The following DCLK1 variants were observed in gnomAD, a reference collection of about 807,000 sequenced individuals.
The protein encoded by DCLK1 is serine/threonine-protein kinase DCLK1.
A neutral mutation model predicts 86.2 loss-of-function variants in DCLK1; 16 were observed. The observed-to-expected ratio is 0.19, with a 90% confidence interval of 0.13 to 0.28. The LOEUF (loss-of-function observed/expected upper bound fraction) is 0.28, where lower values mean the gene tolerates loss of function less well. Ranked by LOEUF, DCLK1 falls within the 10% of genes least tolerant of loss-of-function variation. DCLK1 has a pLI of 1.00. For synonymous variants in DCLK1, 369 were observed against 370.5 expected, an observed-to-expected ratio of 1.00 and a Z score of 0.05; for missense variants, 590 against 940.2, an observed-to-expected ratio of 0.63 and a Z score of 4.87.
chr13:35,996,663 G>A (rs756721844), intron 3 of DCLK1, among the ~76,000 whole-genome samples: 76 of 151,832 alleles, frequency 5.0e-4, no homozygotes, highest in Non-Finnish European at 9.6e-4. Context: ...GAACTTGCCT[G>A]TCTCGATGTT....
intron 2 of DCLK1, among the ~76,000 whole-genome samples, chr13:36,113,822 C>G (rs535696432): frequency 1.3e-5 from 2 of 152,256 alleles, no homozygotes. Context: ...ATACCCTAAT[C>G]GTGCAGTAAG....
At chr13:35,837,556 T>A (rs1011652595) in intron 7 of DCLK1, among the ~76,000 whole-genome samples, 2 of 152,134 alleles carry the variant, frequency 1.3e-5, no homozygotes, top group African/African-American at 4.8e-5. Context: ...AGCTCCCAGA[T>A]GACACAATCT....
chr13:35,846,555 C>G, intron 6 of DCLK1: 1 of 985,222 alleles, frequency 1.0e-6, no homozygotes, highest in Non-Finnish European at 1.2e-6. Flanking sequence ...TAGTGAGGGC[C>G]TCTGATTTCC....
Position 36,110,359 on chromosome 13 carries a change from A to G in DCLK1, c.723+1510T>C, listed in dbSNP as rs148501148. On this transcript the variant is annotated intron_variant, in intron 3 of 16. Transcript: ENST00000360631. ...TAGAAGACTAAGTCTCATTCATTAG[A>G]GAATCTCATCCATTAGAATCCTTAT... 1.9e-3 allele frequency among the ~76,000 whole-genome samples: 286 copies of G among 152,292 alleles called. 1 individual carries two copies. Among genetic ancestry groups the G allele is most frequent in the African/African-American group, 6.4e-3 (267 of 41,556 alleles).
intron 3 of DCLK1, among the ~76,000 whole-genome samples, chr13:35,988,574 C>T (rs1440656231): frequency 1.3e-5 from 2 of 152,092 alleles, no homozygotes; most frequent in African/African-American, 4.8e-5. Context: ...TCTAAAAGTC[C>T]CAAAGAATGG....
At chr13:35,868,376 A>C (rs990508512) in intron 5 of DCLK1, among the ~76,000 whole-genome samples, 7 of 152,202 alleles carry the variant, frequency 4.6e-5, no homozygotes, top group Non-Finnish European at 7.3e-5. Context: ...AAAAAGTTAA[A>C]AGCTGCAGTG....
chr13:35,958,254 A>T (rs1361486038), intron 3 of DCLK1, among the ~76,000 whole-genome samples: 2 of 124,720 alleles, frequency 1.6e-5, no homozygotes, highest in African/African-American at 3.5e-5. Context: ...CACCACCACT[A>T]CCACTACTAT....
chr13:36,032,137 T>C (rs1215239238), intron 3 of DCLK1, among the ~76,000 whole-genome samples: 3 of 152,016 alleles, frequency 2.0e-5, no homozygotes, highest in Non-Finnish European at 4.4e-5. Flanking sequence ...TCTTTTCTTT[T>C]TTTTTCTTTT....
intron 16 of DCLK1, among the ~76,000 whole-genome samples, chr13:35,777,577 T>C (rs1009211019): frequency 6.6e-6 from 1 of 152,198 alleles, no homozygotes; most frequent in African/African-American, 2.4e-5. Flanking sequence ...CAGTGGCTTC[T>C]CCACATTGAT....
At chr13:35,813,118 T>C (rs929646581) in intron 11 of DCLK1, among the ~76,000 whole-genome samples, 5 of 152,236 alleles carry the variant, frequency 3.3e-5, no homozygotes, top group Non-Finnish European at 7.3e-5. Context: ...GATGGTCTCG[T>C]TGATTTCCGA....
At chr13:35,895,009 T>A (rs1873868246) in intron 4 of DCLK1, among the ~76,000 whole-genome samples, 1 of 152,166 alleles carries the variant, frequency 6.6e-6, no homozygotes, top group Non-Finnish European at 1.5e-5. Context: ...TGCAGTTGTG[T>A]GATCATGGCT....
intron 3 of DCLK1, among the ~76,000 whole-genome samples, chr13:36,111,342 A>ACTATT (rs1885612319): frequency 6.6e-6 from 1 of 152,218 alleles, no homozygotes; most frequent in Non-Finnish European, 1.5e-5. Context: ...CAAGATGCGT[A>ACTATT]CTATTCTAGA....
intron 12 of DCLK1, among the ~76,000 whole-genome samples, chr13:35,810,277 G>T (rs919470778): frequency 3.9e-5 from 6 of 152,144 alleles, no homozygotes; most frequent in Non-Finnish European, 7.4e-5. Context: ...CATATTGTGG[G>T]GTCTTAGTAA....
chr13:35,828,017 A>G (rs1255662716), intron 9 of DCLK1, among the ~76,000 whole-genome samples: 2 of 152,216 alleles, frequency 1.3e-5, no homozygotes, highest in African/African-American at 4.8e-5. Flanking sequence ...GATCACATTA[A>G]GAAGGGAAGA....
chr13:36,003,915 A>G (rs1880835065), intron 3 of DCLK1, among the ~76,000 whole-genome samples: 1 of 152,222 alleles, frequency 6.6e-6, no homozygotes, highest in Admixed American at 6.5e-5. Flanking sequence ...TAAAAATTTA[A>G]GTTTTCTTAT....
At chr13:35,943,431 A>G (rs1877194468) in intron 4 of DCLK1, among the ~76,000 whole-genome samples, 1 of 152,202 alleles carries the variant, frequency 6.6e-6, no homozygotes, top group East Asian at 1.9e-4. Flanking sequence ...CAGCCCTAGG[A>G]AATTCATTCA....
chr13:36,072,944 C>A (rs2153161774), intron 3 of DCLK1, among the ~76,000 whole-genome samples: 1 of 152,256 alleles, frequency 6.6e-6, no homozygotes, highest in East Asian at 1.9e-4. Flanking sequence ...CATTATAATT[C>A]ATGCGCATTA....
At chr13:35,984,278 C>T (rs1046639742) in intron 3 of DCLK1, among the ~76,000 whole-genome samples, 1 of 152,222 alleles carries the variant, frequency 6.6e-6, no homozygotes, top group Non-Finnish European at 1.5e-5. Flanking sequence ...TCTGGGCATC[C>T]TTTCAAGGTC....
chr13:36,017,659 G>C (rs922744768), intron 3 of DCLK1, among the ~76,000 whole-genome samples: 1 of 152,150 alleles, frequency 6.6e-6, no homozygotes, highest in African/African-American at 2.4e-5. Context: ...GGTGTGTGTA[G>C]GGTAATGCTT....
Sources: allele counts gnomAD v4.1 joint callset (sites outside exome capture counted in the v4.1 genomes callset), GRCh38; gene constraint gnomAD v4.1.1; transcripts MANE v1.5; gene names NCBI Gene and HGNC (gene_info 2026-07-23, HGNC 2026-07-21).